OR10X1: variants seen among roughly 807,000 people sequenced by gnomAD.
OR10X1 encodes the protein olfactory receptor 10X1.
For synonymous variants in OR10X1, 179 were observed against 142.6 expected (o/e 1.26, Z -1.82); for missense variants, 449 against 387.0 (o/e 1.16, Z -1.34).
rs757463015 is a variant in OR10X1, at chr1:158,579,527, C to T, written c.373G>A (p.Gly125Ser). The T allele has an allele frequency of 2.5e-6, 4 of 1,613,880 alleles. No homozygotes were observed. The East Asian group carries it at 8.9e-5, about 36-fold the overall frequency. ...LQMCFFLGLG[G>S]TNCIILTLMG... ...AAAGTGAGAATGATACAGTTTGTGC[C>T]ACCAAGTCCCAAGAAGAAGCACATC... is the stretch of plus-strand genomic sequence containing the variant. The change falls in exon 1 of 1, where the codon GGC becomes AGC. Residue 125 changes from glycine to serine, a missense_variant. Physicochemically the swap from Gly to Ser is moderately conservative, Grantham distance 56 (BLOSUM62 0). Coordinates refer to ENST00000623167, the MANE Select transcript of OR10X1 (RefSeq NM_001004477.1).
In OR10X1 at chr1:158,579,564, A is replaced by G. The variant is rs1471180101; in HGVS notation, c.336T>C (p.Gly112=). The change falls in exon 1 of 1, where the codon GGT becomes GGC. Residue 112 remains glycine, a synonymous_variant. Coordinates refer to ENST00000623167, the MANE Select transcript of OR10X1 (RefSeq NM_001004477.1). ...LAKDRSISVT[G]CSLQMCFFLG... is the part of the protein sequence containing the mutation. ...AGAAGAAGCACATCTGTAAGCTACAACCTGTGACTGAAATGCTTCTGTCCT... is the reference window on the plus strand; with the variant it reads ...AGAAGAAGCACATCTGTAAGCTACAGCCTGTGACTGAAATGCTTCTGTCCT... The G allele has an allele frequency of 1.9e-6, 3 of 1,614,128 alleles. No individual in the cohort carries two copies. The highest frequency in any genetic ancestry group is 2.7e-5 in the African/African-American group (2 of 75,046).
Position 158,578,928 on chromosome 1 carries a change from C to T in OR10X1, c.972G>A (p.Leu324=), listed in dbSNP as rs767563329. 1.9e-6 allele frequency: 3 copies of T among 1,576,948 alleles called. No individual in the cohort carries two copies. The highest frequency in any genetic ancestry group is 2.4e-5 in the South Asian group (2 of 84,168). The change falls in exon 1 of 1, where the codon TTG becomes TTA. Residue 324 remains leucine (L), a synonymous_variant. Transcript: ENST00000623167. ...CAGCAACAACCCAAGATTATTTTTT[C>T]AAGGCAACTGTGTTTCCCATCATTC... The part of the protein sequence containing the change: ...FRRMMGNTVA[L]KK
At position 158,579,769 on chromosome 1, in the gene OR10X1, A is replaced by G; in HGVS notation, c.131T>C (p.Phe44Ser). 2 of 1,614,154 alleles carry G rather than the reference A, an allele frequency of 1.2e-6. No homozygotes were observed. The highest frequency in any genetic ancestry group is 2.7e-5 in the African/African-American group (2 of 75,054). ...AAGGTAGAGACAAAAGAAGACCACAAAAAGAAATGTCTGTACATGTGGGTA... is the reference window on the plus strand; with the variant it reads ...AAGGTAGAGACAAAAGAAGACCACAGAAAGAAATGTCTGTACATGTGGGTA... ...SVYPHVQTFL[F>S]VVFFCLYLLT... The change falls in exon 1 of 1, where the codon TTT becomes TCT. Residue 44 changes from phenylalanine (F) to serine (S), a missense_variant. By Grantham distance (155) the Phe-to-Ser change is radical (BLOSUM62 -2). Transcript: ENST00000623167.
At position 158,579,475 on chromosome 1, in the gene OR10X1, A is replaced by G; in HGVS notation, c.425T>C (p.Ile142Thr). The G allele has an allele frequency of 1.2e-6, 2 of 1,614,088 alleles. No individual in the cohort carries two copies. The highest frequency in any genetic ancestry group is 1.7e-6 in the Non-Finnish European group (2 of 1,179,996). Residue 142 changes from isoleucine to threonine, a missense_variant, in exon 1 of 1, where the codon ATC becomes ACC. By Grantham distance (89) the Ile-to-Thr change is moderately conservative. Transcript: ENST00000623167. ...TLMGYDRFLAICNPLRYPLLM... is the reference protein window; with the variant it reads ...TLMGYDRFLATCNPLRYPLLM... Reference sequence around the variant, plus strand: ...CAGTGGATATCTTAGAGGGTTACAGATGGCCAGGAAGCGGTCATATCCCAT... The same window carrying G: ...CAGTGGATATCTTAGAGGGTTACAGGTGGCCAGGAAGCGGTCATATCCCAT...
In OR10X1 at chr1:158,579,520, T is replaced by C; in HGVS notation, c.380A>G (p.Asn127Ser). The change falls in exon 1 of 1, where the codon AAC (asparagine) becomes AGC (serine). Residue 127 changes from asparagine to serine, a missense_variant. Transcript: ENST00000623167. ...TCCCATCAAAGTGAGAATGATACAG[T>C]TTGTGCCACCAAGTCCCAAGAAGAA... ...MCFFLGLGGT[N>S]CIILTLMGYD... The C allele has an allele frequency of 6.2e-7, 1 of 1,614,002 alleles. No individual in the cohort carries two copies. Among genetic ancestry groups the C allele is most frequent in the South Asian group, 1.1e-5 (1 of 91,046 alleles).
In OR10X1 at chr1:158,579,003, G is replaced by A. The variant is rs748063889; in HGVS notation, c.897C>T (p.Ser299=). The A allele has an allele frequency of 6.2e-7, 1 of 1,613,470 alleles. No individual in the cohort carries two copies. The highest frequency in any genetic ancestry group is 1.1e-5 in the South Asian group (1 of 91,050). The change falls in exon 1 of 1, where the codon AGC becomes AGT. Residue 299 remains serine (S), a synonymous_variant. Transcript: ENST00000623167. ...VPYTVITPFL[S]PIIFSLRNKD... is the part of the protein sequence containing the mutation. ...TATTCCTCAGGCTGAATATGATGGG[G>A]CTGAGGAAGGGGGTAATGACAGTAT...
Position 158,579,879 on chromosome 1 carries a change from A to G in OR10X1, c.21T>C (p.Cys7=), listed in dbSNP as rs746129096. 5 of 1,593,236 alleles carry G rather than the reference A, an allele frequency of 3.1e-6. No individual in the cohort carries two copies. The highest frequency in any genetic ancestry group is 4.3e-6 in the Non-Finnish European group (5 of 1,173,286). Residue 7 remains cysteine, a synonymous_variant, in exon 1 of 1, where the codon TGT becomes TGC. Transcript: ENST00000623167. The stretch of plus-strand genomic sequence containing the variant: ...GAATGTCTGAAATTTGAAAGAAACA[A>G]CAATAAACATTCAACACCATTATCT... MVLNVY[C]CFFQISDIQT...
At position 158,579,239 on chromosome 1, in the gene OR10X1, A is replaced by C. The variant is rs140204457; in HGVS notation, c.661T>G (p.Ser221Ala). ...AGCAGAAGGGTACCCAGCAAACCAGACACTGAGATCAGTGTTATAATGAAT... is the reference window on the plus strand; with the variant it reads ...AGCAGAAGGGTACCCAGCAAACCAGCCACTGAGATCAGTGTTATAATGAAT... ...TEFIITLISV[S>A]GLLGTLLLII... Residue 221 changes from serine to alanine, a missense_variant, in exon 1 of 1, where the codon TCT (serine) becomes GCT (alanine). Coordinates refer to ENST00000623167, the MANE Select transcript of OR10X1 (RefSeq NM_001004477.1). 6.2e-5 allele frequency: 100 copies of C among 1,613,906 alleles called. 1 individual carries two copies. In the Middle Eastern group the frequency reaches 1.8e-3, roughly 29 times the overall value.
rs1648428944 is a variant in OR10X1 at position 158,579,572 on chromosome 1, C to T, written c.328G>A (p.Val110Ile). 1 of 1,614,108 alleles carries T rather than the reference C, an allele frequency of 6.2e-7. No homozygotes were observed. The highest frequency in any genetic ancestry group is 1.3e-5 in the African/African-American group (1 of 75,038). Residue 110 changes from valine to isoleucine, a missense_variant, in exon 1 of 1, where the codon GTC becomes ATC. Transcript: ENST00000623167. The stretch of plus-strand genomic sequence containing the variant: ...CACATCTGTAAGCTACAACCTGTGA[C>T]TGAAATGCTTCTGTCCTTGGCCAGT... Reference protein sequence around the residue: ...DLLAKDRSISVTGCSLQMCFF... With the variant: ...DLLAKDRSISITGCSLQMCFF...
Position 158,579,466 on chromosome 1 carries a change from G to T in OR10X1, c.434C>A (p.Pro145His), listed in dbSNP as rs1291534285. The T allele has an allele frequency of 1.9e-6, 3 of 1,613,944 alleles. No homozygotes were observed. The highest frequency in any genetic ancestry group is 2.7e-5 in the African/African-American group (2 of 74,906). Residue 145 changes from proline (P) to histidine (H), a missense_variant, in exon 1 of 1, where the codon CCT becomes CAT. Transcript: ENST00000623167. ...GGTCATAAGCAGTGGATATCTTAGA[G>T]GGTTACAGATGGCCAGGAAGCGGTC... The part of the protein sequence containing the change: ...GYDRFLAICN[P>H]LRYPLLMTNI...
At position 158,579,791 on chromosome 1, in the gene OR10X1, G is replaced by A. The variant is rs747789161; in HGVS notation, c.109C>T (p.Pro37Ser). The A allele has an allele frequency of 3.1e-6, 5 of 1,613,942 alleles. No homozygotes were observed. Among genetic ancestry groups the A allele is most frequent in the South Asian group, 1.1e-5 (1 of 91,046 alleles). The change falls in exon 1 of 1, where the codon CCA becomes TCA. Residue 37 changes from proline to serine, a missense_variant. Pro to Ser is a moderately conservative substitution (Grantham distance 74). Transcript: ENST00000623167. ...EFILVGFSVY[P>S]HVQTFLFVVF... The stretch of plus-strand genomic sequence containing the variant: ...ACAAAAAGAAATGTCTGTACATGTG[G>A]GTACACAGAAAAGCCAACAAGAATG...
Position 158,579,102 on chromosome 1 carries a change from G to C in OR10X1, c.798C>G (p.Ile266Met), listed in dbSNP as rs1338348834. The change falls in exon 1 of 1, where the codon ATC (isoleucine) becomes ATG (methionine). Residue 266 changes from isoleucine (I) to methionine (M), a missense_variant. Coordinates refer to ENST00000623167, the MANE Select transcript of OR10X1 (RefSeq NM_001004477.1). ...TCASHLTVVIIHFGFASIVYL... is the reference protein window; with the variant it reads ...TCASHLTVVIMHFGFASIVYL... ...AAACAATAGATGCAAAACCAAAGTGGATTATAACCACGGTGAGGTGGGAGG... is the reference window on the plus strand; with the variant it reads ...AAACAATAGATGCAAAACCAAAGTGCATTATAACCACGGTGAGGTGGGAGG... 1 of 1,614,004 alleles carries C rather than the reference G, an allele frequency of 6.2e-7. No homozygotes were observed. Among genetic ancestry groups the C allele is most frequent in the East Asian group, 2.2e-5 (1 of 44,858 alleles).
At position 158,578,944 on chromosome 1, in the gene OR10X1, C is replaced by T. The variant is rs764716071; in HGVS notation, c.956G>A (p.Gly319Glu). 4 of 1,595,694 alleles carry T rather than the reference C, an allele frequency of 2.5e-6. No individual in the cohort carries two copies. Among genetic ancestry groups the T allele is most frequent in the Middle Eastern group, 1.7e-4 (1 of 5,914 alleles). ...TTATTTTTTCAAGGCAACTGTGTTT[C>T]CCATCATTCTTCTAAAAGCATTTTT... ...DMKNAFRRMM[G>E]NTVALKK The change falls in exon 1 of 1, where the codon GGA (glycine) becomes GAA (glutamate). Residue 319 changes from glycine (G) to glutamate (E), a missense_variant. Coordinates refer to ENST00000623167, the MANE Select transcript of OR10X1 (RefSeq NM_001004477.1).
Position 158,579,149 on chromosome 1 carries a change from G to T in OR10X1, c.751C>A (p.Gln251Lys). Reference protein sequence around the residue: ...VLRIPSAEGKQKAFTTCASHL... With the variant: ...VLRIPSAEGKKKAFTTCASHL... ...GAGGCACAGGTGGTGAAGGCCTTCT[G>T]CTTGCCCTCAGCTGAAGGGATCCTG... Residue 251 changes from glutamine to lysine, a missense_variant, in exon 1 of 1, where the codon CAG becomes AAG. Gln to Lys is a moderately conservative substitution (Grantham distance 53). Transcript: ENST00000623167. 1 of 1,613,910 alleles carries T rather than the reference G, an allele frequency of 6.2e-7. No homozygotes were observed. Among genetic ancestry groups the T allele is most frequent in the East Asian group, 2.2e-5 (1 of 44,844 alleles).
chr1:158,579,153 G>A lies in OR10X1; in HGVS notation c.747C>T (p.Gly249=), dbSNP rs1367533631. The A allele has an allele frequency of 4.3e-6, 7 of 1,613,706 alleles. No individual in the cohort carries two copies. The highest frequency in any genetic ancestry group is 5.1e-6 in the Non-Finnish European group (6 of 1,179,940). Residue 249 remains glycine, a synonymous_variant, in exon 1 of 1, where the codon GGC becomes GGT. Coordinates refer to ENST00000623167, the MANE Select transcript of OR10X1 (RefSeq NM_001004477.1). ...STVLRIPSAE[G]KQKAFTTCAS... ...CACAGGTGGTGAAGGCCTTCTGCTTGCCCTCAGCTGAAGGGATCCTGAGGA... is the reference window on the plus strand; with the variant it reads ...CACAGGTGGTGAAGGCCTTCTGCTTACCCTCAGCTGAAGGGATCCTGAGGA...
In OR10X1 at chr1:158,579,556, A is replaced by G. The variant is rs1004878822; in HGVS notation, c.344T>C (p.Leu115Ser). 2 of 1,613,996 alleles carry G rather than the reference A, an allele frequency of 1.2e-6. No individual in the cohort carries two copies. Among genetic ancestry groups the G allele is most frequent in the Non-Finnish European group, 1.7e-6 (2 of 1,180,018 alleles). The change falls in exon 1 of 1, where the codon TTA (leucine) becomes TCA (serine). Residue 115 changes from leucine to serine, a missense_variant. Transcript: ENST00000623167. ...AAGTCCCAAGAAGAAGCACATCTGT[A>G]AGCTACAACCTGTGACTGAAATGCT... Reference protein sequence around the residue: ...DRSISVTGCSLQMCFFLGLGG... With the variant: ...DRSISVTGCSSQMCFFLGLGG...
In OR10X1 at chr1:158,578,988, G is replaced by T. The variant is rs1648408650; in HGVS notation, c.912C>A (p.Ser304Arg). 1 of 1,612,840 alleles carries T rather than the reference G, an allele frequency of 6.2e-7. No homozygotes were observed. The highest frequency in any genetic ancestry group is 1.7e-5 in the Admixed American group (1 of 59,884). ...CATTTTTCATGTCCTTATTCCTCAG[G>T]CTGAATATGATGGGGCTGAGGAAGG... ...ITPFLSPIIFSLRNKDMKNAF... is the reference protein window; with the variant it reads ...ITPFLSPIIFRLRNKDMKNAF... The change falls in exon 1 of 1, where the codon AGC becomes AGA. Residue 304 changes from serine (S) to arginine (R), a missense_variant. Coordinates refer to ENST00000623167, the MANE Select transcript of OR10X1 (RefSeq NM_001004477.1).
Position 158,579,180 on chromosome 1 carries a change from A to G in OR10X1, c.720T>C (p.Thr240=). 4 of 1,614,000 alleles carry G rather than the reference A, an allele frequency of 2.5e-6. No individual in the cohort carries two copies. Among genetic ancestry groups the G allele is most frequent in the Non-Finnish European group, 3.4e-6 (4 of 1,179,984 alleles). The change falls in exon 1 of 1, where the codon ACT becomes ACC. Residue 240 remains threonine, a synonymous_variant. Transcript: ENST00000623167. ...CCTCAGCTGAAGGGATCCTGAGGAC[A>G]GTAGAAATAATGAAGACATCAGTCA... ...IILTDVFIIS[T]VLRIPSAEGK... is the part of the protein sequence containing the mutation.
rs1406581712 is a variant in OR10X1, at chr1:158,579,478, G to A, written c.422C>T (p.Ala141Val). ...LTLMGYDRFL[A>V]ICNPLRYPLL... ...TGGATATCTTAGAGGGTTACAGATG[G>A]CCAGGAAGCGGTCATATCCCATCAA... Residue 141 changes from alanine to valine, a missense_variant, in exon 1 of 1, where the codon GCC becomes GTC. Transcript: ENST00000623167. 1 of 1,613,880 alleles carries A rather than the reference G, an allele frequency of 6.2e-7. No homozygotes were observed. Among genetic ancestry groups the A allele is most frequent in the Non-Finnish European group, 8.5e-7 (1 of 1,179,958 alleles).
Sources: allele counts gnomAD v4.1 joint callset, GRCh38; gene constraint gnomAD v4.1.1; transcripts MANE v1.5; gene names NCBI Gene and HGNC (gene_info 2026-07-23, HGNC 2026-07-21).